The following HNMT variants were observed in gnomAD, a reference collection of about 807,000 sequenced individuals.
HNMT encodes histamine N-methyltransferase.
Under a neutral mutation model 32.1 loss-of-function variants are expected in HNMT, and 30 were observed. The ratio of observed to expected loss-of-function variants is 0.93; its 90% CI spans 0.70 to 1.27. The LOEUF (loss-of-function observed/expected upper bound fraction) is 1.27, where lower values mean the gene tolerates loss of function less well. HNMT is among the 50% of genes most tolerant of loss of function. The probability of loss-of-function intolerance (pLI) is 0.00; values close to 1 mark genes in which losing one functional copy is unlikely to be tolerated. For missense variants in HNMT, 327 were observed against 346.0 expected (o/e 0.95, Z 0.43); for synonymous variants, 125 against 119.0 (o/e 1.05, Z -0.33).
chr2:137,991,090 GT>G (rs1007529746), intron 2 of HNMT, among the ~76,000 whole-genome samples: 22 of 152,162 alleles, frequency 1.4e-4, no homozygotes, highest in Non-Finnish European at 2.6e-4. Flanking sequence ...TAATTTGCTG[GT>G]TTATGATAAA....
At chr2:137,999,958 C>G (rs1681110380) in intron 2 of HNMT, among the ~76,000 whole-genome samples, 1 of 151,448 alleles carries the variant, frequency 6.6e-6, no homozygotes, top group Admixed American at 6.6e-5. Context: ...AGCAAATTGC[C>G]CAAAGTCGTA....
At chr2:138,012,571 C>T (rs561529755) in intron 5 of HNMT, among the ~76,000 whole-genome samples, 1 of 152,234 alleles carries the variant, frequency 6.6e-6, no homozygotes, top group South Asian at 2.1e-4. Context: ...TTAATTTTCA[C>T]TGTTAAAGAT....
rs1050891 is a variant in HNMT, at chr2:138,014,190, A to G, written c.*60A>G. The G allele has an allele frequency of 0.22, 233,610 of 1,083,194 alleles. 26,466 individuals are homozygous for G. Among genetic ancestry groups the G allele is most frequent in the Admixed American group, 0.34 (14,280 of 41,858 alleles). 67.1% of individuals were successfully genotyped at this position (1,083,194 alleles called of 1,614,324 possible). A position where few individuals can be genotyped will look rare whatever the true frequency, so the allele number is the denominator to read the frequency against. On this transcript the variant is annotated 3_prime_UTR_variant, in exon 6 of 6. Coordinates refer to ENST00000280097, the MANE Select transcript of HNMT (RefSeq NM_006895.3). ...TTTGAACAACTCGAATCACTCATTT[A>G]TTTCCATATTAAAATCACAAACTCA... is the stretch of plus-strand genomic sequence containing the variant.
chr2:137,979,798 A>C (rs1680430367), intron 2 of HNMT, among the ~76,000 whole-genome samples: 1 of 152,124 alleles, frequency 6.6e-6, no homozygotes, highest in South Asian at 2.1e-4. Context: ...AAGCAGTGAG[A>C]TGTTTCTTTT....
intron 2 of HNMT, among the ~76,000 whole-genome samples, chr2:137,986,192 C>T (rs1680646625): frequency 6.6e-6 from 1 of 150,670 alleles, no homozygotes; most frequent in Non-Finnish European, 1.5e-5. Context: ...AAAATTTAGA[C>T]CTGTAGTAAT....
intron 2 of HNMT, among the ~76,000 whole-genome samples, chr2:138,000,675 T>C (rs1158801405): frequency 1.3e-5 from 2 of 152,106 alleles, no homozygotes; most frequent in Non-Finnish European, 2.9e-5. Flanking sequence ...TGATGAAATA[T>C]AGTGATAGAT....
chr2:137,998,911 C>T (rs186095841), intron 2 of HNMT, among the ~76,000 whole-genome samples: 2 of 152,246 alleles, frequency 1.3e-5, no homozygotes, highest in Non-Finnish European at 1.5e-5. Context: ...ATTTTGGTCT[C>T]TAGTCTTTTG....
At chr2:137,983,555 C>T (rs1273173057) in intron 2 of HNMT, among the ~76,000 whole-genome samples, 1 of 152,038 alleles carries the variant, frequency 6.6e-6, no homozygotes, top group African/African-American at 2.4e-5. Context: ...GGGAAACAAA[C>T]ACGTTTATTA....
intron 1 of HNMT, chr2:137,967,126 A>G (rs186178855): frequency 1.8e-4 from 138 of 779,902 alleles, no homozygotes; most frequent in Non-Finnish European, 2.9e-4. Flanking sequence ...CAAATAAAAT[A>G]CTGGCCAGAT....
At chr2:138,008,108 A>G (rs1008038527) in intron 5 of HNMT, among the ~76,000 whole-genome samples, 2 of 151,886 alleles carry the variant, frequency 1.3e-5, no homozygotes, top group Non-Finnish European at 2.9e-5. Flanking sequence ...CCACTACCCA[A>G]TAATAATCTT....
intron 3 of HNMT, 61 bp from the exon 4 acceptor site, chr2:138,002,003 G>A: frequency 7.6e-7 from 1 of 1,321,292 alleles, no homozygotes; most frequent in Non-Finnish European, 1.0e-6. Flanking sequence ...ATTCTAAATG[G>A]AAATGGTTTC....
At chr2:138,009,099 A>G (rs190961783) in intron 5 of HNMT, among the ~76,000 whole-genome samples, 2 of 152,130 alleles carry the variant, frequency 1.3e-5, no homozygotes, top group African/African-American at 2.4e-5. Flanking sequence ...ACATGAATAA[A>G]CAATTCTCAA....
At chr2:137,975,204 C>A (rs1680252564) in intron 2 of HNMT, among the ~76,000 whole-genome samples, 1 of 152,266 alleles carries the variant, frequency 6.6e-6, no homozygotes, top group South Asian at 2.1e-4. Flanking sequence ...GTTGCAGTAG[C>A]ATCTGTGATC....
rs113805446 is a variant in HNMT at position 137,969,045 on chromosome 2, T to C, written c.138-1120T>C. ...CTGACTTCAGTCTTCAATCTTCTTTTACAACTGCCATTACTAAAGACACTC... is the reference window on the plus strand; with the variant it reads ...CTGACTTCAGTCTTCAATCTTCTTTCACAACTGCCATTACTAAAGACACTC... On this transcript the variant is annotated intron_variant, in intron 1 of 5. Coordinates refer to ENST00000280097, the MANE Select transcript of HNMT (RefSeq NM_006895.3). 6.9e-3 allele frequency among the ~76,000 whole-genome samples: 1,058 copies of C among 152,324 alleles called. 9 individuals carry two copies. Among genetic ancestry groups the C allele is most frequent in the African/African-American group, 0.024 (1,005 of 41,560 alleles).
At position 137,974,850 on chromosome 2, in the gene HNMT, C is replaced by T. The variant is rs529547647; in HGVS notation, c.190+4633C>T. On this transcript the variant is annotated intron_variant, in intron 2 of 5. Coordinates refer to ENST00000280097, the MANE Select transcript of HNMT (RefSeq NM_006895.3). The stretch of plus-strand genomic sequence containing the variant: ...ATATGAAATACAGGTGTTATCAACC[C>T]TCATAATATTTTTTGTAATAATTTT... Among the ~76,000 whole-genome samples the T allele has an allele frequency of 2.1e-4, 32 of 152,224 alleles. 1 individual carries two copies. The South Asian group carries it at 6.0e-3, about 29-fold the overall frequency.
intron 2 of HNMT, among the ~76,000 whole-genome samples, chr2:137,998,911 C>G (rs186095841): frequency 1.3e-5 from 2 of 152,246 alleles, no homozygotes; most frequent in African/African-American, 4.8e-5. Context: ...ATTTTGGTCT[C>G]TAGTCTTTTG....
intron 2 of HNMT, among the ~76,000 whole-genome samples, chr2:137,970,941 GAAAGAAA>G (rs1680114405): frequency 3.7e-4 from 2 of 5,358 alleles, no homozygotes; most frequent in Non-Finnish European, 9.4e-4. Flanking sequence ...AAAAAAGAAA[GAAAGAAA>G]GAAAGAAAGA....
intron 2 of HNMT, among the ~76,000 whole-genome samples, chr2:138,000,516 A>AT (rs200371436): frequency 0.032 from 4,689 of 148,650 alleles, 117 homozygotes; most frequent in African/African-American, 0.039. Flanking sequence ...TCTGAGGTGC[A>AT]TTTTTTTTTC....
chr2:137,965,280 A>G (rs976361091), intron 1 of HNMT, among the ~76,000 whole-genome samples: 9 of 152,138 alleles, frequency 5.9e-5, no homozygotes, highest in African/African-American at 2.2e-4. Flanking sequence ...TTTGTGCCAG[A>G]GCTGATAAGC....
Sources: allele counts gnomAD v4.1 joint callset (sites outside exome capture counted in the v4.1 genomes callset), GRCh38; gene constraint gnomAD v4.1.1; transcripts MANE v1.5; gene names NCBI Gene and HGNC (gene_info 2026-07-23, HGNC 2026-07-21).